Variants in NAALADL2 observed in about 807,000 individuals in gnomAD.
NAALADL2 encodes the protein inactive N-acetylated-alpha-linked acidic dipeptidase-like protein 2.
Under a neutral mutation model 87.2 loss-of-function variants are expected in NAALADL2, and 76 were observed. The ratio of observed to expected loss-of-function variants is 0.87; its 90% confidence interval spans 0.72 to 1.05. The LOEUF is 1.05. NAALADL2 is among the 50% of genes least tolerant of loss of function. The pLI is 0.00. For synonymous variants in NAALADL2, 354 were observed against 331.0 expected, an observed-to-expected ratio of 1.07 and a Z score of -0.75; for missense variants, 1,089 against 945.8, an observed-to-expected ratio of 1.15 and a Z score of -1.99.
At chr3:174,631,536 G>C (rs944957932) in intron 2 of NAALADL2, among the ~76,000 whole-genome samples, 5 of 152,100 alleles carry the variant, frequency 3.3e-5, no homozygotes, top group African/African-American at 1.2e-4. Flanking sequence ...TTGAAAGCAG[G>C]AAAATAATAA....
At chr3:174,884,058 A>T (rs1171953580) in intron 1 of NAALADL2, among the ~76,000 whole-genome samples, 8 of 152,108 alleles carry the variant, frequency 5.3e-5, no homozygotes, top group Admixed American at 5.2e-4. Flanking sequence ...TCCAGGTGGC[A>T]ATGTTAACTT....
At chr3:174,741,401 T>C (rs535391595) in intron 3 of NAALADL2, among the ~76,000 whole-genome samples, 26 of 151,754 alleles carry the variant, frequency 1.7e-4, no homozygotes, top group South Asian at 1.4e-3. Context: ...ACTTAAATAA[T>C]ATAAAAAAGC....
intron 5 of NAALADL2, among the ~76,000 whole-genome samples, chr3:175,397,946 G>A (rs1455508508): frequency 1.3e-5 from 2 of 152,058 alleles, no homozygotes; most frequent in African/African-American, 4.8e-5. Flanking sequence ...ACACAGTAAA[G>A]CCAGTTTATT....
chr3:175,655,072 G>A (rs1310832082), intron 11 of NAALADL2, among the ~76,000 whole-genome samples: 2 of 151,986 alleles, frequency 1.3e-5, no homozygotes. Flanking sequence ...CAATAGGATA[G>A]TATGAATTAC....
intron 2 of NAALADL2, among the ~76,000 whole-genome samples, chr3:175,226,591 A>G (rs1239569734): frequency 6.6e-6 from 1 of 152,122 alleles, no homozygotes; most frequent in Non-Finnish European, 1.5e-5. Context: ...TCTAGCCTTC[A>G]ATTTCCTTAT....
At chr3:175,142,147 A>G (rs1730092985) in intron 2 of NAALADL2, among the ~76,000 whole-genome samples, 1 of 152,088 alleles carries the variant, frequency 6.6e-6, no homozygotes, top group Non-Finnish European at 1.5e-5. Context: ...TAGCTGTGGC[A>G]ATGTATTTAG....
intron 2 of NAALADL2, among the ~76,000 whole-genome samples, chr3:174,698,931 TTA>T (rs370549134): frequency 2.1e-5 from 3 of 141,766 alleles, no homozygotes; most frequent in Admixed American, 7.5e-5. Flanking sequence ...GTGTATATAT[TTA>T]TATATATATA....
chr3:175,798,742 T>C (rs1753795119), intron 13 of NAALADL2, among the ~76,000 whole-genome samples: 1 of 152,100 alleles, frequency 6.6e-6, no homozygotes, highest in African/African-American at 2.4e-5. Context: ...CTCTTCCAGA[T>C]ATTTTATGGT....
At position 175,579,203 on chromosome 3, in the gene NAALADL2, C is replaced by T. The variant is rs953278772; in HGVS notation, c.1800+3016C>T. Among the ~76,000 whole-genome samples, 129 of 23,376 alleles carry T rather than the reference C, an allele frequency of 5.5e-3. 1 individual carries two copies. The highest frequency in any genetic ancestry group is 6.6e-3 in the African/African-American group (120 of 18,294). 15.3% of individuals were successfully genotyped at this position (23,376 alleles called of 152,430 possible). ...ATGCAAATCTTAGAATTACTATTAT[C>T]TATCTATCTATCTATCTATCATCTA... is the stretch of plus-strand genomic sequence containing the variant. On this transcript the variant is annotated intron_variant, in intron 10 of 13. Transcript: ENST00000454872.
At chr3:175,587,929 C>T (rs778028883) in intron 10 of NAALADL2, among the ~76,000 whole-genome samples, 1 of 152,054 alleles carries the variant, frequency 6.6e-6, no homozygotes, top group African/African-American at 2.4e-5. Flanking sequence ...GATGATACAC[C>T]TGGGGAAGAG....
intron 10 of NAALADL2, among the ~76,000 whole-genome samples, chr3:175,601,850 A>G (rs1379898892): frequency 2.0e-5 from 3 of 152,310 alleles, no homozygotes; most frequent in South Asian, 2.1e-4. Flanking sequence ...GAATAAAGAT[A>G]TATGGCCATA....
chr3:174,906,393 A>C (rs1732961826), intron 1 of NAALADL2, among the ~76,000 whole-genome samples: 1 of 152,098 alleles, frequency 6.6e-6, no homozygotes, highest in Non-Finnish European at 1.5e-5. Context: ...AATAGAATAC[A>C]GAATGATTGA....
intron 4 of NAALADL2, among the ~76,000 whole-genome samples, chr3:175,292,268 T>G (rs1755729137): frequency 6.6e-6 from 1 of 152,170 alleles, no homozygotes; most frequent in Admixed American, 6.5e-5. Context: ...GCAAATAACT[T>G]TTAAGCCTGA....
chr3:175,085,184 G>A (rs974620359), intron 1 of NAALADL2, among the ~76,000 whole-genome samples: 1 of 152,094 alleles, frequency 6.6e-6, no homozygotes, highest in African/African-American at 2.4e-5. Flanking sequence ...CACGGCCTTG[G>A]GTTCGAAACT....
chr3:175,009,611 T>C (rs1749516178), intron 1 of NAALADL2, among the ~76,000 whole-genome samples: 1 of 152,190 alleles, frequency 6.6e-6, no homozygotes, highest in South Asian at 2.1e-4. Flanking sequence ...TATGAAAATA[T>C]CAATTAACTC....
At chr3:174,751,799 G>C (rs1478090659) in intron 3 of NAALADL2, among the ~76,000 whole-genome samples, 7 of 151,614 alleles carry the variant, frequency 4.6e-5, no homozygotes, top group Admixed American at 4.6e-4. Context: ...AATAATATTT[G>C]ACTTAGGATA....
chr3:175,635,197 A>G (rs1045404205), intron 11 of NAALADL2, among the ~76,000 whole-genome samples: 1 of 152,086 alleles, frequency 6.6e-6, no homozygotes, highest in African/African-American at 2.4e-5. Context: ...ATTTGTAAAG[A>G]CACGCCTTAT....
intron 2 of NAALADL2, among the ~76,000 whole-genome samples, chr3:174,624,118 A>G (rs1207019379): frequency 1.3e-5 from 2 of 152,190 alleles, no homozygotes; most frequent in Non-Finnish European, 2.9e-5. Context: ...TTTACAATTG[A>G]GAAAACATTT....
intron 13 of NAALADL2, among the ~76,000 whole-genome samples, chr3:175,786,592 T>C (rs939650067): frequency 6.6e-6 from 1 of 152,164 alleles, no homozygotes; most frequent in Non-Finnish European, 1.5e-5. Context: ...ATTCTAGTTA[T>C]ACATTCTTCT....
Sources: gnomAD v4.1 joint callset for allele counts (sites outside exome capture counted in the v4.1 genomes callset) on GRCh38, gnomAD v4.1.1 for gene constraint, MANE v1.5 for transcripts, NCBI Gene and HGNC (gene_info 2026-07-23, HGNC 2026-07-21) for gene names.